CCDC144A: variants seen among roughly 807,000 people sequenced by gnomAD.
The protein encoded by CCDC144A is coiled-coil domain-containing protein 144A.
In CCDC144A, 41 loss-of-function variants were observed where a neutral mutation model predicts 143.8. The observed-to-expected ratio is 0.29, with a 90% confidence interval of 0.22 to 0.37. The LOEUF is 0.37. Ranked by LOEUF, CCDC144A falls within the 10% of genes least tolerant of loss-of-function variation. The probability of loss-of-function intolerance (pLI) is 1.00; values close to 1 mark genes in which losing one functional copy is unlikely to be tolerated. For synonymous variants in CCDC144A, 242 were observed against 517.9 expected (o/e 0.47, Z 7.23); for missense variants, 637 against 1,488.8 (o/e 0.43, Z 9.41).
chr17:16,720,944 G>A (rs2143182566), intron 8 of CCDC144A, among the ~76,000 whole-genome samples: 1 of 152,100 alleles, frequency 6.6e-6, no homozygotes. Flanking sequence ...GAGAATCTTA[G>A]GAATCTTAGA....
At position 16,761,810 on chromosome 17, in the gene CCDC144A, T is replaced by G. The variant is rs548820102; in HGVS notation, c.3666+92T>G. 4.9e-4 allele frequency: 617 copies of G among 1,269,544 alleles called. 3 individuals carry two copies. In the African/African-American group the frequency reaches 8.5e-3, roughly 18 times the overall value. The allele number at this position is 1,269,544 out of a possible 1,614,324, so 78.6% of individuals were successfully genotyped here. A position where few individuals can be genotyped will look rare whatever the true frequency, so the allele number is the denominator to read the frequency against. On this transcript the variant is annotated intron_variant, in intron 13 of 16. Transcript: ENST00000399273. ...TTGTACATGTTTTCTCTACTTTCCT[T>G]ACAGCAATTTGTTTGGTAGACTTCT...
chr17:16,751,619 G>A (rs969968605), intron 12 of CCDC144A, among the ~76,000 whole-genome samples: 13 of 152,338 alleles, frequency 8.5e-5, no homozygotes, highest in East Asian at 7.7e-4. Context: ...TTAGGGCAGC[G>A]GCCCAAGCCA....
At chr17:16,741,209 G>A (rs565061864) in intron 12 of CCDC144A, among the ~76,000 whole-genome samples, 4 of 152,332 alleles carry the variant, frequency 2.6e-5, no homozygotes, top group South Asian at 2.1e-4. Context: ...AACAACATTC[G>A]TTAAGTTCAC....
At position 16,690,584 on chromosome 17, in the gene CCDC144A, A is replaced by G; in HGVS notation, c.184A>G (p.Ser62Gly). 1 of 1,613,720 alleles carries G rather than the reference A, an allele frequency of 6.2e-7. No homozygotes were observed. Among genetic ancestry groups the G allele is most frequent in the Non-Finnish European group, 8.5e-7 (1 of 1,179,838 alleles). ...SWWKNSVGSE[S>G]KHGEGALDQP... ...GTGGAAAAACAGCGTCGGCAGCGAG[A>G]GCAAGCACGGTGAGGGCGCCTTAGA... The change falls in exon 1 of 17, where the codon AGC becomes GGC. Residue 62 changes from serine to glycine, a missense_variant. Coordinates refer to ENST00000399273, the MANE Select transcript of CCDC144A (RefSeq NM_001382000.1).
At chr17:16,673,313 TCCC>T in the CCDC144A span, among the ~76,000 whole-genome samples, 2 of 151,626 alleles carry the variant, frequency 1.3e-5, no homozygotes, top group South Asian at 4.2e-4. Context: ...TCCCATAATA[TCCC>T]CCCAAAAGTT....
At chr17:16,740,516 A>G (rs1914209599) in intron 12 of CCDC144A, among the ~76,000 whole-genome samples, 2 of 152,260 alleles carry the variant, frequency 1.3e-5, no homozygotes, top group Non-Finnish European at 2.9e-5. Flanking sequence ...TCAAAATTTC[A>G]GAGCCAATTT....
chr17:16,687,394 CTT>C (rs1910821888), upstream of CCDC144A, among the ~76,000 whole-genome samples: 3 of 152,074 alleles, frequency 2.0e-5, 1 homozygote, highest in African/African-American at 7.2e-5. Context: ...AGGAATTTCT[CTT>C]GTCCTAGCCC....
chr17:16,678,554 C>A, the CCDC144A span, among the ~76,000 whole-genome samples: 1 of 150,602 alleles, frequency 6.6e-6, no homozygotes, highest in Admixed American at 6.7e-5. Context: ...TTTTGAATCT[C>A]TGTTCTTTCT....
intron 8 of CCDC144A, among the ~76,000 whole-genome samples, chr17:16,721,874 T>C (rs1913108743): frequency 6.6e-6 from 1 of 152,222 alleles, no homozygotes; most frequent in African/African-American, 2.4e-5. Flanking sequence ...CCATCCCTAT[T>C]ATGTGATCAT....
intron 6 of CCDC144A, among the ~76,000 whole-genome samples, chr17:16,716,083 A>G (rs1056825900): frequency 6.6e-6 from 1 of 152,050 alleles, no homozygotes; most frequent in Non-Finnish European, 1.5e-5. Context: ...TATGTTTAAA[A>G]TGAAAATGAT....
chr17:16,763,050 T>C (rs1430742128), intron 14 of CCDC144A, among the ~76,000 whole-genome samples: 3 of 151,126 alleles, frequency 2.0e-5, no homozygotes, highest in Non-Finnish European at 4.4e-5. Context: ...GAGGGTGCCT[T>C]GAGAAGAAGT....
the CCDC144A span, chr17:16,684,046 A>G: frequency 5.5e-6 from 5 of 905,882 alleles, no homozygotes; most frequent in Non-Finnish European, 9.4e-6. Flanking sequence ...TTGAACAAGC[A>G]CAGACTCAGA....
At chr17:16,760,160 A>G (rs892656542) in intron 12 of CCDC144A, among the ~76,000 whole-genome samples, 1 of 151,980 alleles carries the variant, frequency 6.6e-6, no homozygotes, top group Non-Finnish European at 1.5e-5. Flanking sequence ...GACTTTTTGT[A>G]ACCAACTTTA....
At chr17:16,715,406 C>T (rs1245141770) in intron 6 of CCDC144A, among the ~76,000 whole-genome samples, 1 of 151,030 alleles carries the variant, frequency 6.6e-6, no homozygotes, top group Admixed American at 6.6e-5. Context: ...TTTTTTGGCT[C>T]TTTGTAATAA....
upstream of CCDC144A, among the ~76,000 whole-genome samples, chr17:16,684,942 A>G (rs556623537): frequency 6.6e-6 from 1 of 152,350 alleles, no homozygotes; most frequent in South Asian, 2.1e-4. Flanking sequence ...AGCCTGGGCG[A>G]CAGAGCGAGA....
rs1916016358 is a variant in CCDC144A at position 16,776,816 on chromosome 17, A to C, written c.*3183A>C. 6.6e-6 allele frequency: 1 copy of C among 152,188 alleles called. No individual in the cohort carries two copies. The highest frequency in any genetic ancestry group is 1.5e-5 in the Non-Finnish European group (1 of 68,046). 9.4% of individuals were successfully genotyped at this position (152,188 alleles called of 1,614,324 possible). A position where few individuals can be genotyped will look rare whatever the true frequency, so the allele number is the denominator to read the frequency against. On this transcript the variant is annotated 3_prime_UTR_variant, in exon 17 of 17. Transcript: ENST00000399273. The stretch of plus-strand genomic sequence containing the variant: ...AACGCTTCCAGGTTTTCAGGTACTC[A>C]GGCAACAAATAGCGTTACAATAGAA...
chr17:16,676,849 C>T, the CCDC144A span, among the ~76,000 whole-genome samples: 1 of 152,084 alleles, frequency 6.6e-6, no homozygotes, highest in African/African-American at 2.4e-5. Flanking sequence ...CGAATGTCTT[C>T]CAGATGTACA....
At chr17:16,675,743 A>G in the CCDC144A span, among the ~76,000 whole-genome samples, 1 of 151,952 alleles carries the variant, frequency 6.6e-6, no homozygotes, top group African/African-American at 2.4e-5. Flanking sequence ...CGTTAAGCTT[A>G]AATTATTATT....
At chr17:16,678,954 A>T in the CCDC144A span, among the ~76,000 whole-genome samples, 2 of 151,558 alleles carry the variant, frequency 1.3e-5, no homozygotes, top group Non-Finnish European at 2.9e-5. Flanking sequence ...GGGTTTCTCC[A>T]TGTTGGTCAG....
Sources: gnomAD v4.1 joint callset for allele counts (sites outside exome capture counted in the v4.1 genomes callset) on GRCh38, gnomAD v4.1.1 for gene constraint, MANE v1.5 for transcripts, NCBI Gene and HGNC (gene_info 2026-07-23, HGNC 2026-07-21) for gene names.